ASCC1: variants seen among roughly 807,000 people sequenced by gnomAD.
The protein encoded by ASCC1 is activating signal cointegrator 1 complex subunit 1.
ASCC1 carries 35 observed loss-of-function variants against 46.6 expected under a neutral mutation model. The observed-to-expected ratio is 0.75, with a 90% CI of 0.57 to 0.99. ASCC1 has a LOEUF of 0.99. ASCC1 is among the 50% of genes least tolerant of loss of function. The pLI is 0.00. For missense variants in ASCC1, 376 were observed against 428.7 expected (o/e 0.88, Z 1.09); for synonymous variants, 143 against 146.6 (o/e 0.98, Z 0.18).
chr10:72,141,080 G>GATAGATAGATAGATAGATAGATAGAT (rs759813544), intron 7 of ASCC1, among the ~76,000 whole-genome samples: 2 of 141,022 alleles, frequency 1.4e-5, no homozygotes, highest in African/African-American at 2.6e-5. Context: ...TAGATAGATA[G>GATAGATAGATAGATAGATAGATAGAT]ATAGATATAG....
intron 3 of ASCC1, among the ~76,000 whole-genome samples, chr10:72,206,294 C>A (rs1857203790): frequency 6.6e-6 from 1 of 151,886 alleles, no homozygotes; most frequent in Non-Finnish European, 1.5e-5. Flanking sequence ...ATCCCAGCTA[C>A]TCGGGAGGCT....
At chr10:72,175,376 T>C (rs1851739553) in intron 5 of ASCC1, among the ~76,000 whole-genome samples, 1 of 152,176 alleles carries the variant, frequency 6.6e-6, no homozygotes, top group African/African-American at 2.4e-5. Context: ...CCATCTTTGC[T>C]CTCCCTTTTA....
chr10:72,187,955 A>C (rs1161091034), intron 5 of ASCC1, among the ~76,000 whole-genome samples: 1 of 151,612 alleles, frequency 6.6e-6, no homozygotes, highest in African/African-American at 2.4e-5. Flanking sequence ...TCTGTCTCAA[A>C]AAAAAGAAAA....
chr10:72,132,653 G>A (rs546789030), intron 8 of ASCC1, among the ~76,000 whole-genome samples: 1 of 151,832 alleles, frequency 6.6e-6, no homozygotes, highest in East Asian at 1.9e-4. Context: ...TGTCATCTGG[G>A]GGCAAAATAA....
chr10:72,127,664 C>CTTTCTT (rs368018527), intron 9 of ASCC1, among the ~76,000 whole-genome samples: 3 of 130,008 alleles, frequency 2.3e-5, no homozygotes, highest in African/African-American at 6.2e-5. Context: ...CTAAGGGTTT[C>CTTTCTT]TTTTTTTTTT....
intron 7 of ASCC1, among the ~76,000 whole-genome samples, chr10:72,144,011 T>G (rs1847342999): frequency 6.6e-6 from 1 of 152,040 alleles, no homozygotes; most frequent in Admixed American, 6.6e-5. Context: ...TTCTTTTTTT[T>G]TTAACAGTCT....
At chr10:72,209,893 T>A (rs1465067606) in intron 3 of ASCC1, among the ~76,000 whole-genome samples, 2 of 152,192 alleles carry the variant, frequency 1.3e-5, no homozygotes, top group Non-Finnish European at 2.9e-5. Flanking sequence ...AAGTGGGGCC[T>A]GGTGGCAGGT....
chr10:72,197,868 T>C (rs1564742268), intron 4 of ASCC1, among the ~76,000 whole-genome samples: 1 of 150,148 alleles, frequency 6.7e-6, no homozygotes, highest in Non-Finnish European at 1.5e-5. Flanking sequence ...ATCACGCCAC[T>C]GCACTCCAGC....
At position 72,197,954 on chromosome 10, in the gene ASCC1, C is replaced by A. The variant is rs1442481553; in HGVS notation, c.311-965G>T. Among the ~76,000 whole-genome samples the A allele has an allele frequency of 5.2e-5, 6 of 116,080 alleles. No homozygotes were observed. The East Asian group carries it at 1.4e-3, about 28-fold the overall frequency. 76.2% of individuals were successfully genotyped at this position (116,080 alleles called of 152,430 possible). ...ATAAATAAAGTTGAACATAGACTTA[C>A]CATATAACCCAGAAATTCTACCCTT... On this transcript the variant is annotated intron_variant, in intron 4 of 9. Coordinates refer to ENST00000672957, the MANE Select transcript of ASCC1 (RefSeq NM_001198800.3).
intron 8 of ASCC1, among the ~76,000 whole-genome samples, chr10:72,129,882 G>A (rs1196942464): frequency 6.7e-6 from 1 of 149,006 alleles, no homozygotes; most frequent in East Asian, 2.1e-4. Context: ...TCAGGAGGCT[G>A]AAGTGGGAGA....
intron 9 of ASCC1, among the ~76,000 whole-genome samples, chr10:72,110,961 C>T (rs573180452): frequency 6.6e-5 from 10 of 152,292 alleles, no homozygotes; most frequent in Middle Eastern, 3.4e-3. Flanking sequence ...CCTCATTAGA[C>T]GGGAAGACAT....
chr10:72,208,308 T>C (rs1857511120), intron 3 of ASCC1, among the ~76,000 whole-genome samples: 1 of 147,090 alleles, frequency 6.8e-6, no homozygotes, highest in Non-Finnish European at 1.5e-5. Context: ...CCAAGACCTG[T>C]TACACTGATT....
In ASCC1 at chr10:72,183,679, TAAAG is replaced by T. The variant is rs577385386; in HGVS notation, c.489+13128_489+13131del. Among the ~76,000 whole-genome samples, 441 of 151,974 alleles carry T rather than the reference TAAAG, an allele frequency of 2.9e-3. 2 individuals carry two copies. Among genetic ancestry groups the T allele is most frequent in the African/African-American group, 0.01 (417 of 41,434 alleles). ...AAATGTTTTTCAATAAAAAATAAAA[TAAAG>T]AAACTATAAATGCCAGAAGACAGTA... is the stretch of plus-strand genomic sequence containing the variant. On this transcript the variant is annotated intron_variant, in intron 5 of 9. Transcript: ENST00000672957.
At chr10:72,108,492 A>G (rs1842602179) in intron 9 of ASCC1, among the ~76,000 whole-genome samples, 1 of 152,212 alleles carries the variant, frequency 6.6e-6, no homozygotes, top group African/African-American at 2.4e-5. Flanking sequence ...TTATAATCCT[A>G]CTAAATTTGT....
rs575371470 is a variant in ASCC1, at chr10:72,118,085, C to T, written c.957+9997G>A. Reference sequence around the variant, plus strand: ...GCCAAGTGACTAAGCAAATAATTTTCGGCCGGACATGGTGGCTCACGCCTG... The same window carrying T: ...GCCAAGTGACTAAGCAAATAATTTTTGGCCGGACATGGTGGCTCACGCCTG... On this transcript the variant is annotated intron_variant, in intron 9 of 9. Transcript: ENST00000672957. 2.5e-3 allele frequency among the ~76,000 whole-genome samples: 384 copies of T among 152,210 alleles called. 3 individuals carry two copies. The highest frequency in any genetic ancestry group is 8.5e-3 in the African/African-American group (351 of 41,520).
chr10:72,155,131 C>T lies in ASCC1; in HGVS notation c.627-2143G>A, dbSNP rs545753146. ...ATTTGTTCATACATCTATAAAATCCCTGGAAGGATACAGAGAAAGTGGTAC... is the reference window on the plus strand; with the variant it reads ...ATTTGTTCATACATCTATAAAATCCTTGGAAGGATACAGAGAAAGTGGTAC... On this transcript the variant is annotated intron_variant, in intron 6 of 9. Coordinates refer to ENST00000672957, the MANE Select transcript of ASCC1 (RefSeq NM_001198800.3). Among the ~76,000 whole-genome samples the T allele has an allele frequency of 2.0e-3, 298 of 152,160 alleles. 1 individual carries two copies. Among genetic ancestry groups the T allele is most frequent in the Non-Finnish European group, 3.4e-3 (234 of 68,002 alleles).
intron 9 of ASCC1, among the ~76,000 whole-genome samples, chr10:72,118,183 C>T (rs550757584): frequency 2.0e-5 from 3 of 151,492 alleles, no homozygotes; most frequent in Non-Finnish European, 4.4e-5. Context: ...CTGGCTAACA[C>T]GGTGAAAGCC....
intron 9 of ASCC1, among the ~76,000 whole-genome samples, chr10:72,126,611 T>A (rs1203474356): frequency 1.3e-5 from 2 of 152,198 alleles, no homozygotes; most frequent in Non-Finnish European, 2.9e-5. Flanking sequence ...TTTAATTCCA[T>A]GAAAACCCAG....
chr10:72,162,441 G>A (rs1172136134), intron 5 of ASCC1, among the ~76,000 whole-genome samples: 1 of 151,950 alleles, frequency 6.6e-6, no homozygotes, highest in African/African-American at 2.4e-5. Context: ...AAAGTGTTGG[G>A]ATTACAAGAG....
Sources: allele counts gnomAD v4.1 joint callset (sites outside exome capture counted in the v4.1 genomes callset), GRCh38; gene constraint gnomAD v4.1.1; transcripts MANE v1.5; gene names NCBI Gene and HGNC (gene_info 2026-07-23, HGNC 2026-07-21).